The following CDH18 variants were observed in gnomAD, a reference collection of about 807,000 sequenced individuals.
CDH18 encodes the protein cadherin-18.
A neutral mutation model predicts 67.9 loss-of-function variants in CDH18; 31 were observed. That is an observed-to-expected ratio of 0.46 (90% CI 0.34 to 0.62). The LOEUF (loss-of-function observed/expected upper bound fraction) is 0.62, where lower values mean the gene tolerates loss of function less well. Among genes scored for constraint, CDH18 ranks in the 20% least tolerant of loss-of-function variants. The pLI is 0.01. For missense variants in CDH18, 890 were observed against 975.5 expected (o/e 0.91, Z 1.17); for synonymous variants, 362 against 347.2 (o/e 1.04, Z -0.48).
At chr5:19,634,702 T>G (rs1007452065) in intron 5 of CDH18, among the ~76,000 whole-genome samples, 3 of 151,730 alleles carry the variant, frequency 2.0e-5, no homozygotes, top group African/African-American at 7.3e-5. Flanking sequence ...TTTGGGAGCC[T>G]GAGGGTGGGT....
intron 1 of CDH18, among the ~76,000 whole-genome samples, chr5:20,271,779 A>C (rs1286691814): frequency 3.9e-5 from 6 of 152,018 alleles, no homozygotes; most frequent in Non-Finnish European, 8.8e-5. Flanking sequence ...GTGAGAAATA[A>C]ATTTCTGTTG....
chr5:19,734,076 C>T (rs1431979449), intron 4 of CDH18, among the ~76,000 whole-genome samples: 2 of 152,156 alleles, frequency 1.3e-5, no homozygotes, highest in Non-Finnish European at 2.9e-5. Flanking sequence ...TTAATGAATG[C>T]AACAAAATTT....
intron 1 of CDH18, among the ~76,000 whole-genome samples, chr5:20,467,094 A>G (rs1751683653): frequency 6.6e-6 from 1 of 152,038 alleles, no homozygotes; most frequent in South Asian, 2.1e-4. Context: ...TAGTTTAACA[A>G]GATTATTTGA....
At chr5:19,550,261 T>A (rs571054574) in intron 8 of CDH18, among the ~76,000 whole-genome samples, 78 of 151,870 alleles carry the variant, frequency 5.1e-4, no homozygotes, top group African/African-American at 1.7e-3. Flanking sequence ...GTAAACTCTT[T>A]TTATTATTAT....
intron 3 of CDH18, among the ~76,000 whole-genome samples, chr5:19,747,954 C>CA (rs570565782): frequency 1.3e-3 from 184 of 147,200 alleles, no homozygotes; most frequent in Non-Finnish European, 1.8e-3. Context: ...TAAAAAAGTA[C>CA]AAAAAAAAAC....
chr5:20,319,820 AG>A (rs1737830453), intron 1 of CDH18, among the ~76,000 whole-genome samples: 1 of 152,250 alleles, frequency 6.6e-6, no homozygotes, highest in Admixed American at 6.5e-5. Flanking sequence ...AAACAGTCAG[AG>A]AACTAATCAT....
intron 2 of CDH18, among the ~76,000 whole-genome samples, chr5:20,092,241 A>G (rs1265529134): frequency 2.0e-5 from 3 of 152,144 alleles, no homozygotes; most frequent in Non-Finnish European, 4.4e-5. Context: ...CTCAATGCAA[A>G]ATAAGCTTTT....
intron 1 of CDH18, among the ~76,000 whole-genome samples, chr5:20,302,965 C>T (rs1172093697): frequency 6.6e-6 from 1 of 151,918 alleles, no homozygotes; most frequent in Non-Finnish European, 1.5e-5. Flanking sequence ...CCCTGGCTCC[C>T]TTCCAAACAG....
At chr5:20,000,679 A>G (rs999977228) in intron 2 of CDH18, among the ~76,000 whole-genome samples, 44 of 152,106 alleles carry the variant, frequency 2.9e-4, no homozygotes, top group African/African-American at 1.1e-3. Flanking sequence ...TTATGTTGAT[A>G]ATAATAATAA....
intron 2 of CDH18, among the ~76,000 whole-genome samples, chr5:19,899,003 T>C (rs1789644625): frequency 6.6e-6 from 1 of 152,174 alleles, no homozygotes; most frequent in African/African-American, 2.4e-5. Context: ...AATACTAGAA[T>C]GGTAATTTCT....
chr5:20,284,579 A>G (rs147151751), intron 1 of CDH18, among the ~76,000 whole-genome samples: 1 of 152,028 alleles, frequency 6.6e-6, no homozygotes, highest in Non-Finnish European at 1.5e-5. Context: ...ATGTCAGTCA[A>G]TTCACTAAAA....
chr5:20,423,221 A>C (rs1288845374), intron 1 of CDH18, among the ~76,000 whole-genome samples: 1 of 151,312 alleles, frequency 6.6e-6, no homozygotes, highest in Admixed American at 6.6e-5. Context: ...AGATTGAATG[A>C]GCCTTTAACA....
At chr5:19,827,540 C>T (rs574577543) in intron 3 of CDH18, among the ~76,000 whole-genome samples, 1 of 152,034 alleles carries the variant, frequency 6.6e-6, no homozygotes, top group East Asian at 1.9e-4. Flanking sequence ...ACCAAACATA[C>T]TCTTGGACCA....
intron 1 of CDH18, among the ~76,000 whole-genome samples, chr5:20,306,496 C>T (rs1269642248): frequency 6.7e-6 from 1 of 149,250 alleles, no homozygotes; most frequent in South Asian, 2.2e-4. Context: ...GCTTTTAATA[C>T]TCTGCCGATA....
intron 2 of CDH18, among the ~76,000 whole-genome samples, chr5:19,866,264 C>A (rs970982615): frequency 2.0e-5 from 3 of 152,156 alleles, no homozygotes; most frequent in Admixed American, 2.0e-4. Context: ...AACACATAAT[C>A]AGTATAATCA....
At chr5:19,924,915 A>G (rs1227980760) in intron 2 of CDH18, among the ~76,000 whole-genome samples, 1 of 152,142 alleles carries the variant, frequency 6.6e-6, no homozygotes, top group African/African-American at 2.4e-5. Flanking sequence ...CATTTAAAAT[A>G]CAATTGACCC....
intron 9 of CDH18, among the ~76,000 whole-genome samples, chr5:19,540,437 T>C (rs1750079411): frequency 6.6e-6 from 1 of 151,980 alleles, no homozygotes; most frequent in Non-Finnish European, 1.5e-5. Flanking sequence ...TTCTCACAGC[T>C]CCACTAGGCA....
At chr5:19,488,060 A>C (rs981049648) in intron 11 of CDH18, among the ~76,000 whole-genome samples, 1 of 152,098 alleles carries the variant, frequency 6.6e-6, no homozygotes, top group Non-Finnish European at 1.5e-5. Context: ...TGGAGATCAG[A>C]TGTAGTTTTC....
At position 19,556,667 on chromosome 5, in the gene CDH18, G is replaced by A. The variant is rs1738495970; in HGVS notation, c.1254-12662C>T. ...CATAAAAACAATTGGTGCTCCCAAG[G>A]AAGAAGAGAAATATAGGAGTTTGGA... is the stretch of plus-strand genomic sequence containing the variant. On this transcript the variant is annotated intron_variant, in intron 8 of 12. Coordinates refer to ENST00000382275, the MANE Select transcript of CDH18 (RefSeq NM_004934.5). Among the ~76,000 whole-genome samples, 3 of 152,096 alleles carry A rather than the reference G, an allele frequency of 2.0e-5. No individual in the cohort carries two copies. In the South Asian group the frequency reaches 6.2e-4, roughly 31 times the overall value.
Sources: allele counts gnomAD v4.1 joint callset (sites outside exome capture counted in the v4.1 genomes callset), GRCh38; gene constraint gnomAD v4.1.1; transcripts MANE v1.5; gene names NCBI Gene and HGNC (gene_info 2026-07-23, HGNC 2026-07-21).